PPARGC1B: variants seen among roughly 807,000 people sequenced by gnomAD.
PPARGC1B encodes PPARG coactivator 1 beta, also known as peroxisome proliferator-activated receptor gamma coactivator 1-beta.
PPARGC1B carries 34 observed loss-of-function variants against 101.6 expected under a neutral mutation model. The observed-to-expected ratio is 0.33, with a 90% CI of 0.25 to 0.45. The LOEUF (loss-of-function observed/expected upper bound fraction) is 0.45. PPARGC1B is among the 20% of genes least tolerant of loss of function. PPARGC1B has a pLI of 1.00. For synonymous variants in PPARGC1B, 548 were observed against 539.3 expected, an observed-to-expected ratio of 1.02 and a Z score of -0.22; for missense variants, 1,234 against 1,317.6, an observed-to-expected ratio of 0.94 and a Z score of 0.98.
In PPARGC1B at chr5:149,836,813, T is replaced by C; in HGVS notation, c.2358T>C (p.Pro786=). The change falls in exon 8 of 12, where the codon CCT becomes CCC. Residue 786 remains proline, a synonymous_variant. Coordinates refer to ENST00000309241, the MANE Select transcript of PPARGC1B (RefSeq NM_133263.4). ...AAGACCTGGCCTCCTGCAAGAGCCC[T>C]GAGTATGACACTGTCTTTGAAGACA... ...EEEDLASCKS[P]EYDTVFEDSS... 6.2e-7 allele frequency: 1 copy of C among 1,613,456 alleles called. No homozygotes were observed. Among genetic ancestry groups the C allele is most frequent in the Non-Finnish European group, 8.5e-7 (1 of 1,180,006 alleles).
intron 9 of PPARGC1B, 37 bp downstream of exon 9, chr5:149,840,153 G>C: frequency 6.3e-7 from 1 of 1,580,810 alleles, no homozygotes. Flanking sequence ...GGAGTGAATG[G>C]GAACGGACAG....
At chr5:149,766,733 T>C (rs1028800575) in intron 1 of PPARGC1B, among the ~76,000 whole-genome samples, 1 of 152,234 alleles carries the variant, frequency 6.6e-6, no homozygotes, top group East Asian at 1.9e-4. Context: ...CATGATTTCA[T>C]TGGATTCTAC....
intron 1 of PPARGC1B, chr5:149,739,887 A>T (rs56683598): frequency 6.6e-6 from 1 of 152,424 alleles, no homozygotes; most frequent in Non-Finnish European, 1.5e-5. Flanking sequence ...CACAGAGCTC[A>T]GAGAGGAGGG....
rs770362954 is a variant in PPARGC1B at position 149,832,758 on chromosome 5, G to C, written c.685G>C (p.Asp229His). ...HLTSAQCCLQ[D>H]RGLQPPCLQS... ...CACCTCGGCACAGTGCTGCCTGCAGGATCGGGGTCTGCAGCCACCATGCCT... is the reference window on the plus strand; with the variant it reads ...CACCTCGGCACAGTGCTGCCTGCAGCATCGGGGTCTGCAGCCACCATGCCT... The change falls in exon 5 of 12, where the codon GAT (aspartate) becomes CAT (histidine). Residue 229 changes from aspartate (D) to histidine (H), a missense_variant. This residue lies in a region of PPARGC1B where 734 missense variants were observed against 768.4 expected (regional missense o/e 0.96). Coordinates refer to ENST00000309241, the MANE Select transcript of PPARGC1B (RefSeq NM_133263.4). This position sits in a 1 kb window ranked among gnomAD's most constrained non-coding sequence, Gnocchi z 4.9. 3.1e-6 allele frequency: 5 copies of C among 1,612,740 alleles called. No homozygotes were observed. Among genetic ancestry groups the C allele is most frequent in the Non-Finnish European group, 3.4e-6 (4 of 1,179,204 alleles).
In PPARGC1B at chr5:149,833,310, C is replaced by T. The variant is rs372274636; in HGVS notation, c.1237C>T (p.Arg413Trp). 30 of 1,613,418 alleles carry T rather than the reference C, an allele frequency of 1.9e-5. 1 individual carries two copies. The highest frequency in any genetic ancestry group is 1.4e-4 in the South Asian group (13 of 91,068). Residue 413 changes from arginine (R) to tryptophan (W), a missense_variant, in exon 5 of 12, where the codon CGG (arginine) becomes TGG (tryptophan). Arg to Trp is a moderately radical substitution (Grantham distance 101). Transcript: ENST00000309241. This position sits in a 1 kb window ranked among gnomAD's most constrained non-coding sequence, Gnocchi z 4.1. ...GCCCAGACCAAGCCTGCGCCCACTGCGGCTGGAGGTGAAAAGGGAGGTCCG... is the reference window on the plus strand; with the variant it reads ...GCCCAGACCAAGCCTGCGCCCACTGTGGCTGGAGGTGAAAAGGGAGGTCCG... ...TGPRPSLRPLRLEVKREVRRP... is the reference protein window; with the variant it reads ...TGPRPSLRPLWLEVKREVRRP...
At chr5:149,804,433 C>T (rs751513976) in intron 1 of PPARGC1B, among the ~76,000 whole-genome samples, 2 of 152,140 alleles carry the variant, frequency 1.3e-5, no homozygotes, top group East Asian at 1.9e-4. Context: ...CAGCACTTTG[C>T]GAGGCTGAGG....
chr5:149,800,181 T>C lies in PPARGC1B; in HGVS notation c.79-20252T>C, dbSNP rs550560524. On this transcript the variant is annotated intron_variant, in intron 1 of 11. Coordinates refer to ENST00000309241, the MANE Select transcript of PPARGC1B (RefSeq NM_133263.4). ...TGTGTGTCCTTCTTGCAATAATCTA[T>C]GGATATATGAAGTGTACCTATCTAT... 4.6e-5 allele frequency among the ~76,000 whole-genome samples: 7 copies of C among 152,302 alleles called. No individual in the cohort carries two copies. In the South Asian group the frequency reaches 8.3e-4, roughly 18 times the overall value.
Position 149,784,291 on chromosome 5 carries a change from C to G in PPARGC1B, c.79-36142C>G, listed in dbSNP as rs538749650. 2.0e-5 allele frequency among the ~76,000 whole-genome samples: 3 copies of G among 152,068 alleles called. No individual in the cohort carries two copies. The South Asian group carries it at 6.2e-4, about 32-fold the overall frequency. Reference sequence around the variant, plus strand: ...TCCCTCCTTCCCTTCATTTTACTTCCTCCCACTCAGAGGCCACGCTCTCAC... The same window carrying G: ...TCCCTCCTTCCCTTCATTTTACTTCGTCCCACTCAGAGGCCACGCTCTCAC... On this transcript the variant is annotated intron_variant, in intron 1 of 11. Coordinates refer to ENST00000309241, the MANE Select transcript of PPARGC1B (RefSeq NM_133263.4).
At chr5:149,747,984 G>A (rs1755149737) in intron 1 of PPARGC1B, among the ~76,000 whole-genome samples, 1 of 152,130 alleles carries the variant, frequency 6.6e-6, no homozygotes, top group Non-Finnish European at 1.5e-5. Flanking sequence ...AGCCAAGCAG[G>A]AGAGGGAGGT....
Position 149,730,410 on chromosome 5 carries a change from C to G in PPARGC1B, c.68C>G (p.Ala23Gly), listed in dbSNP as rs1473447617. Residue 23 changes from alanine (A) to glycine (G), a missense_variant, in exon 1 of 12, where the codon GCT becomes GGT. Ala to Gly is a moderately conservative substitution (Grantham distance 60, BLOSUM62 0). This residue lies in a region of PPARGC1B where 734 missense variants were observed against 768.4 expected (regional missense o/e 0.96). Coordinates refer to ENST00000309241, the MANE Select transcript of PPARGC1B (RefSeq NM_133263.4). The surrounding 1 kb of genome is among the most constrained non-coding windows in gnomAD (Gnocchi z 4.0). ...TCCTCCTTCTTCCTCAACTATCTCG[C>G]TGACACGCAGGTACGGCCGGCTGGG... ...ELSSFFLNYLADTQGGGSGEE... is the reference protein window; with the variant it reads ...ELSSFFLNYLGDTQGGGSGEE... 5.8e-6 allele frequency: 9 copies of G among 1,562,016 alleles called. No individual in the cohort carries two copies. Among genetic ancestry groups the G allele is most frequent in the Non-Finnish European group, 7.8e-6 (9 of 1,156,376 alleles).
rs1288842403 is a variant in PPARGC1B at position 149,849,507 on chromosome 5, A to G, written c.*1949A>G. 6.6e-6 allele frequency: 1 copy of G among 152,366 alleles called. No individual in the cohort carries two copies. Among genetic ancestry groups the G allele is most frequent in the African/African-American group, 2.4e-5 (1 of 41,582 alleles). 9.4% of individuals were successfully genotyped at this position (152,366 alleles called of 1,614,324 possible). Reference sequence around the variant, plus strand: ...TCCCACCTCCTTGACCAATACAGACATAACTAATCAATCACACCACTCAGG... The same window carrying G: ...TCCCACCTCCTTGACCAATACAGACGTAACTAATCAATCACACCACTCAGG... On this transcript the variant is annotated 3_prime_UTR_variant, in exon 12 of 12. Transcript: ENST00000309241.
rs1423012746 is a variant in PPARGC1B at position 149,842,276 on chromosome 5, C to T, written c.2715C>T (p.Tyr905=). Residue 905 remains tyrosine (Y), a synonymous_variant, in exon 10 of 12, where the codon TAC becomes TAT. Coordinates refer to ENST00000309241, the MANE Select transcript of PPARGC1B (RefSeq NM_133263.4). ...GGCAGGGGGAAGGCCGCGTGGTGTA[C>T]ATTCAAAATCTCTCCAGCGACATGA... ...EKAIGEGRVV[Y]IQNLSSDMSS... 5 of 1,613,950 alleles carry T rather than the reference C, an allele frequency of 3.1e-6. No individual in the cohort carries two copies. In the South Asian group the frequency reaches 3.3e-5, roughly 11 times the overall value.
intron 1 of PPARGC1B, among the ~76,000 whole-genome samples, chr5:149,798,770 A>C (rs1024111852): frequency 1.3e-5 from 2 of 152,086 alleles, no homozygotes; most frequent in African/African-American, 4.8e-5. Flanking sequence ...CATCCCTGGG[A>C]CTCAGTTTCC....
intron 3 of PPARGC1B, among the ~76,000 whole-genome samples, chr5:149,827,566 C>A (rs1047473489): frequency 2.6e-5 from 4 of 152,190 alleles, no homozygotes; most frequent in African/African-American, 7.2e-5. Flanking sequence ...CTTATACAGG[C>A]CTTTGTGACA....
At chr5:149,793,065 G>C (rs1305582771) in intron 1 of PPARGC1B, among the ~76,000 whole-genome samples, 1 of 151,978 alleles carries the variant, frequency 6.6e-6, no homozygotes, top group Non-Finnish European at 1.5e-5. Context: ...GGTGGGCCTG[G>C]TTTCTGGGTG....
At chr5:149,770,470 T>G (rs1756085204) in intron 1 of PPARGC1B, among the ~76,000 whole-genome samples, 1 of 152,232 alleles carries the variant, frequency 6.6e-6, no homozygotes, top group Non-Finnish European at 1.5e-5. Flanking sequence ...AAGTCAAGAC[T>G]GTTTACTTCC....
At chr5:149,815,361 G>A (rs928647363) in intron 1 of PPARGC1B, among the ~76,000 whole-genome samples, 4 of 152,116 alleles carry the variant, frequency 2.6e-5, no homozygotes, top group Non-Finnish European at 4.4e-5. Context: ...AGACAGATAT[G>A]CATAGAGGGA....
At chr5:149,816,233 T>C in intron 1 of PPARGC1B, among the ~76,000 whole-genome samples, 1 of 152,240 alleles carries the variant, frequency 6.6e-6, no homozygotes, top group Non-Finnish European at 1.5e-5. Context: ...GGTTTCTTTG[T>C]TTTTATGTGC....
chr5:149,763,928 C>T (rs953817227), intron 1 of PPARGC1B, among the ~76,000 whole-genome samples: 2 of 152,002 alleles, frequency 1.3e-5, no homozygotes, highest in Non-Finnish European at 2.9e-5. Flanking sequence ...GGATTACAGG[C>T]GCAGCACTTC....
Sources: gnomAD v4.1 joint callset for allele counts (sites outside exome capture counted in the v4.1 genomes callset) on GRCh38, gnomAD v4.1.1 for gene constraint, gnomAD v4.1.1 regional missense constraint, Gnocchi (gnomAD v3.1) non-coding constraint, MANE v1.5 for transcripts, NCBI Gene and HGNC (gene_info 2026-07-23, HGNC 2026-07-21) for gene names.